The following TPTE variants were observed in gnomAD, a reference collection of about 807,000 sequenced individuals.
TPTE encodes transmembrane phosphatase with tensin homology.
Under a neutral mutation model 84.1 loss-of-function variants are expected in TPTE, and 59 were observed. The ratio of observed to expected loss-of-function variants is 0.70; its 90% confidence interval spans 0.57 to 0.87. The LOEUF is 0.87. Among genes scored for constraint, TPTE ranks in the 40% least tolerant of loss-of-function variants. The pLI, the probability that TPTE is intolerant of heterozygous loss-of-function variation, is 0.00. For missense variants in TPTE, 382 were observed against 659.6 expected, an observed-to-expected ratio of 0.58 and a Z score of 4.61; for synonymous variants, 130 against 223.5, an observed-to-expected ratio of 0.58 and a Z score of 3.73.
At chr21:10,566,051 G>A (rs11184131) in intron 10 of TPTE, among the ~76,000 whole-genome samples, 2,173 of 151,432 alleles carry the variant, frequency 0.014, no homozygotes, top group Non-Finnish European at 0.02. Context: ...CAGAGGAAAC[G>A]ATTAGCAAAG....
intron 7 of TPTE, among the ~76,000 whole-genome samples, chr21:10,551,995 A>G (rs1229727272): frequency 6.6e-6 from 1 of 152,312 alleles, no homozygotes; most frequent in East Asian, 1.9e-4. Flanking sequence ...CATTTGCTAC[A>G]GCAAACTTCA....
At chr21:10,553,147 T>G (rs2074612903) in intron 8 of TPTE, among the ~76,000 whole-genome samples, 2 of 152,306 alleles carry the variant, frequency 1.3e-5, no homozygotes, top group African/African-American at 4.8e-5. Flanking sequence ...AAAGACCTCT[T>G]TATGCTCATT....
chr21:10,602,438 A>T (rs1278575766), intron 22 of TPTE, among the ~76,000 whole-genome samples: 1 of 152,268 alleles, frequency 6.6e-6, no homozygotes, highest in East Asian at 1.9e-4. Flanking sequence ...AAAAAAAAAA[A>T]ACCCCAAAGG....
intron 17 of TPTE, among the ~76,000 whole-genome samples, chr21:10,581,772 A>G (rs575603084): frequency 6.6e-6 from 1 of 152,428 alleles, no homozygotes; most frequent in South Asian, 2.1e-4. Context: ...TCGCTGTGTC[A>G]CTCAGGCTGG....
intron 23 of TPTE, among the ~76,000 whole-genome samples, chr21:10,605,110 G>T (rs1270479387): frequency 6.6e-6 from 1 of 152,310 alleles, no homozygotes; most frequent in Non-Finnish European, 1.5e-5. Flanking sequence ...TTTCATTCAT[G>T]TCTATCCTGA....
intron 6 of TPTE, 73 bp downstream of exon 6, chr21:10,542,521 CAAGT>C: frequency 6.4e-7 from 1 of 1,559,976 alleles, no homozygotes; most frequent in Non-Finnish European, 8.8e-7. Flanking sequence ...GGCACATGAG[CAAGT>C]ATACCCCATC....
intron 6 of TPTE, among the ~76,000 whole-genome samples, chr21:10,542,671 A>C (rs2074392666): frequency 6.6e-6 from 1 of 152,310 alleles, no homozygotes; most frequent in African/African-American, 2.4e-5. Context: ...CATGATGGAA[A>C]CATAGACCAA....
chr21:10,594,664 C>G lies in TPTE; in HGVS notation c.1171-1318C>G, dbSNP rs565369594. Reference sequence around the variant, plus strand: ...TTCAACAACTCTCCCCACACATCTCCCCATCCCCATTTCTTCTGCAGTCGT... The same window carrying G: ...TTCAACAACTCTCCCCACACATCTCGCCATCCCCATTTCTTCTGCAGTCGT... On this transcript the variant is annotated intron_variant, in intron 19 of 23. Transcript: ENST00000618007. 1.9e-4 allele frequency among the ~76,000 whole-genome samples: 29 copies of G among 152,352 alleles called. No homozygotes were observed. In the East Asian group the frequency reaches 2.7e-3, roughly 14 times the overall value.
At chr21:10,593,598 T>G (rs1168055138) in intron 19 of TPTE, among the ~76,000 whole-genome samples, 4 of 152,304 alleles carry the variant, frequency 2.6e-5, no homozygotes, top group African/African-American at 9.6e-5. Context: ...ATTCACTATC[T>G]CATTTAATAT....
At chr21:10,560,593 T>C (rs2074779377) in intron 9 of TPTE, among the ~76,000 whole-genome samples, 1 of 152,308 alleles carries the variant, frequency 6.6e-6, no homozygotes, top group Admixed American at 6.5e-5. Context: ...TAAGAGCTTA[T>C]GTTACTCATG....
At position 10,575,340 on chromosome 21, in the gene TPTE, C is replaced by A. The variant is rs375882388; in HGVS notation, c.796-2120C>A. 1.0e-4 allele frequency among the ~76,000 whole-genome samples: 15 copies of A among 144,776 alleles called. No homozygotes were observed. The East Asian group carries it at 2.7e-3, about 26-fold the overall frequency. 95.0% of individuals were successfully genotyped at this position (144,776 alleles called of 152,430 possible). A position where few individuals can be genotyped will look rare whatever the true frequency, so the allele number is the denominator to read the frequency against. On this transcript the variant is annotated intron_variant, in intron 14 of 23. Transcript: ENST00000618007. ...GGCTTTAACCACTCCAGCAGCGGTT[C>A]TATGGACAGAGCTTTGATCTCTCCC...
At chr21:10,579,666 C>T (rs1403569610) in intron 17 of TPTE, among the ~76,000 whole-genome samples, 1 of 152,310 alleles carries the variant, frequency 6.6e-6, no homozygotes, top group Non-Finnish European at 1.5e-5. Context: ...GCTTATTTCA[C>T]TTAACATAAT....
chr21:10,535,057 A>G (rs537755886), intron 3 of TPTE, among the ~76,000 whole-genome samples: 217 of 152,306 alleles, frequency 1.4e-3, no homozygotes, highest in African/African-American at 5.1e-3. Context: ...TATAAGGAAG[A>G]ATCTGTTTGA....
intron 1 of TPTE, among the ~76,000 whole-genome samples, chr21:10,522,271 C>T (rs1159766837): frequency 2.0e-5 from 3 of 152,278 alleles, no homozygotes; most frequent in South Asian, 4.1e-4. Flanking sequence ...GCTGCATCCG[C>T]TCTTGGCCGT....
At chr21:10,565,877 A>G (rs537316481) in intron 10 of TPTE, among the ~76,000 whole-genome samples, 65 of 152,384 alleles carry the variant, frequency 4.3e-4, no homozygotes, top group African/African-American at 1.3e-3. Context: ...TAAAGACTTA[A>G]ATCTAAGACC....
intron 21 of TPTE, among the ~76,000 whole-genome samples, chr21:10,601,696 T>G (rs1978537306): frequency 6.6e-6 from 1 of 152,256 alleles, no homozygotes; most frequent in Non-Finnish European, 1.5e-5. Context: ...CTACTAAAAA[T>G]TCAAAAATTA....
chr21:10,571,152 A>G (rs2075034897), intron 14 of TPTE, among the ~76,000 whole-genome samples: 2 of 152,310 alleles, frequency 1.3e-5, no homozygotes, highest in Admixed American at 1.3e-4. Context: ...AGGCCTGAGA[A>G]CTAATCTGAA....
chr21:10,584,879 AGTGTGTGTGT>A (rs56198162), intron 17 of TPTE, among the ~76,000 whole-genome samples: 82 of 148,846 alleles, frequency 5.5e-4, no homozygotes, highest in African/African-American at 1.6e-3. Flanking sequence ...ATGCTTTACG[AGTGTGTGTGT>A]GTGTGTGTGT....
chr21:10,551,833 CA>C (rs1464944596), intron 7 of TPTE, among the ~76,000 whole-genome samples: 1 of 152,302 alleles, frequency 6.6e-6, no homozygotes, highest in Non-Finnish European at 1.5e-5. Flanking sequence ...ATCCTTGACC[CA>C]TACGACCTAC....
Sources: allele counts gnomAD v4.1 joint callset (sites outside exome capture counted in the v4.1 genomes callset), GRCh38; gene constraint gnomAD v4.1.1; transcripts MANE v1.5; gene names NCBI Gene and HGNC (gene_info 2026-07-23, HGNC 2026-07-21).